APLF: variants seen among roughly 807,000 people sequenced by gnomAD.
APLF encodes the protein aprataxin and PNKP like factor.
A neutral mutation model predicts 55.6 loss-of-function variants in APLF; 61 were observed. The observed-to-expected ratio is 1.10, with a 90% CI of 0.89 to 1.36. The LOEUF (loss-of-function observed/expected upper bound fraction) is 1.36. APLF is among the 40% of genes most tolerant of loss of function. The probability of loss-of-function intolerance (pLI) is 0.00; values close to 1 mark genes in which losing one functional copy is unlikely to be tolerated. For synonymous variants in APLF, 207 were observed against 214.8 expected (o/e 0.96, Z 0.32); for missense variants, 611 against 602.5 (o/e 1.01, Z -0.15).
At chr2:68,490,654 G>C (rs1676329799) in intron 2 of APLF, among the ~76,000 whole-genome samples, 1 of 152,118 alleles carries the variant, frequency 6.6e-6, no homozygotes, top group Non-Finnish European at 1.5e-5. Context: ...ACTCTGTATA[G>C]AGTTGAATAT....
Position 68,507,821 on chromosome 2 carries a change from ATTAT to A in APLF, c.341+4925_341+4928del, listed in dbSNP as rs1362155664. ...AGTATGACATTTTCACTCTAGGGAG[ATTAT>A]TTATTTTCAGACACTTATGAGGAAA... On this transcript the variant is annotated intron_variant, in intron 3 of 9. Coordinates refer to ENST00000303795, the MANE Select transcript of APLF (RefSeq NM_173545.3). Among the ~76,000 whole-genome samples the A allele has an allele frequency of 4.0e-5, 6 of 151,828 alleles. 1 individual carries two copies. In the South Asian group the frequency reaches 6.2e-4, roughly 16 times the overall value.
chr2:68,537,939 C>T lies in APLF; in HGVS notation c.872C>T (p.Ala291Val). The T allele has an allele frequency of 1.2e-6, 2 of 1,613,624 alleles. No homozygotes were observed. Among genetic ancestry groups the T allele is most frequent in the Non-Finnish European group, 1.7e-6 (2 of 1,179,778 alleles). The change falls in exon 7 of 10, where the codon GCA becomes GTA. Residue 291 changes from alanine to valine, a missense_variant. By Grantham distance (64) the Ala-to-Val change is moderately conservative. Coordinates refer to ENST00000303795, the MANE Select transcript of APLF (RefSeq NM_173545.3). ...GAGATGAATAATATTAAGACTAATG[C>T]ACAGAGAAACAAACTTCCAATAGAG... ...NTEMNNIKTNAQRNKLPIEEL... is the reference protein window; with the variant it reads ...NTEMNNIKTNVQRNKLPIEEL...
chr2:68,530,304 C>T (rs1670217342), intron 6 of APLF, among the ~76,000 whole-genome samples: 1 of 152,172 alleles, frequency 6.6e-6, no homozygotes, highest in African/African-American at 2.4e-5. Context: ...ACATGCACAC[C>T]TCGAAGGAGG....
At chr2:68,484,691 GAA>G (rs557801391) in intron 1 of APLF, among the ~76,000 whole-genome samples, 5 of 115,136 alleles carry the variant, frequency 4.3e-5, no homozygotes, top group Non-Finnish European at 5.6e-5. Flanking sequence ...AGCTTAGTCT[GAA>G]AAAAAAAAAA....
At chr2:68,545,096 A>G (rs1347500809) in intron 7 of APLF, 91 bp from the exon 8 acceptor site, 21 of 1,439,672 alleles carry the variant, frequency 1.5e-5, no homozygotes, top group Non-Finnish European at 2.0e-5. Context: ...AAGGATAGCC[A>G]GATGTGGATT....
At chr2:68,511,859 G>A (rs1419139393) in intron 3 of APLF, among the ~76,000 whole-genome samples, 1 of 151,606 alleles carries the variant, frequency 6.6e-6, no homozygotes, top group Non-Finnish European at 1.5e-5. Context: ...ATGCTGCATA[G>A]TAATTTACTC....
intron 1 of APLF, among the ~76,000 whole-genome samples, chr2:68,482,194 C>T (rs1675981207): frequency 6.6e-6 from 1 of 151,108 alleles, no homozygotes; most frequent in Non-Finnish European, 1.5e-5. Flanking sequence ...GATATCTGCT[C>T]ATCTGGTGGA....
intron 5 of APLF, among the ~76,000 whole-genome samples, chr2:68,518,474 TA>T (rs1266212296): frequency 9.5e-5 from 11 of 115,516 alleles, no homozygotes; most frequent in Non-Finnish European, 1.1e-4. Flanking sequence ...AACATATTAA[TA>T]ATACATAATA....
intron 2 of APLF, among the ~76,000 whole-genome samples, chr2:68,494,778 T>C (rs1676488462): frequency 6.6e-6 from 1 of 152,168 alleles, no homozygotes; most frequent in Non-Finnish European, 1.5e-5. Flanking sequence ...CCTGCATTAG[T>C]TTGCTGAGGA....
chr2:68,545,008 A>C (rs1463130274), intron 7 of APLF, among the ~76,000 whole-genome samples, 179 bp from the exon 8 acceptor site: 1 of 152,164 alleles, frequency 6.6e-6, no homozygotes, highest in Admixed American at 6.5e-5. Context: ...AGTTTATGTC[A>C]TCAACTTTAT....
chr2:68,474,858 C>T (rs140419291), intron 1 of APLF, among the ~76,000 whole-genome samples: 1 of 152,048 alleles, frequency 6.6e-6, no homozygotes, highest in Non-Finnish European at 1.5e-5. Flanking sequence ...AATAGAGACA[C>T]GGTTTCTCTA....
At chr2:68,574,688 A>G (rs996931184) in intron 9 of APLF, among the ~76,000 whole-genome samples, 3 of 152,208 alleles carry the variant, frequency 2.0e-5, no homozygotes, top group African/African-American at 7.2e-5. Context: ...TTTTCTGAGT[A>G]AACAAACAAA....
chr2:68,487,469 C>T lies in APLF; in HGVS notation c.97-2721C>T, dbSNP rs1210497545. Among the ~76,000 whole-genome samples the T allele has an allele frequency of 2.0e-5, 3 of 151,956 alleles. No homozygotes were observed. In the East Asian group the frequency reaches 5.8e-4, roughly 29 times the overall value. On this transcript the variant is annotated intron_variant, in intron 1 of 9. Coordinates refer to ENST00000303795, the MANE Select transcript of APLF (RefSeq NM_173545.3). Reference sequence around the variant, plus strand: ...ACTCTCTGTACTTCCATTTTCTCACCTATGAAGTGAAGTATAATAATAGTA... The same window carrying T: ...ACTCTCTGTACTTCCATTTTCTCACTTATGAAGTGAAGTATAATAATAGTA...
chr2:68,487,624 T>G (rs1676226107), intron 1 of APLF, among the ~76,000 whole-genome samples: 1 of 152,184 alleles, frequency 6.6e-6, no homozygotes, highest in South Asian at 2.1e-4. Context: ...GGATATTCAC[T>G]CTGTATAAGG....
intron 3 of APLF, among the ~76,000 whole-genome samples, chr2:68,510,429 T>A (rs1677011256): frequency 6.6e-6 from 1 of 151,740 alleles, no homozygotes; most frequent in South Asian, 2.1e-4. Flanking sequence ...CATGAAAAAA[T>A]GTTCAACATC....
intron 8 of APLF, among the ~76,000 whole-genome samples, chr2:68,558,152 A>G (rs1671065294): frequency 6.6e-6 from 1 of 152,156 alleles, no homozygotes; most frequent in Non-Finnish European, 1.5e-5. Context: ...AATTATATTC[A>G]TGTAGCTTTG....
Position 68,578,071 on chromosome 2 carries a change from G to C in APLF, c.*49G>C. The C allele has an allele frequency of 6.4e-7, 1 of 1,567,418 alleles. No individual in the cohort carries two copies. Reference sequence around the variant, plus strand: ...TGCCTTACATTTACTTTTTCTTTGTGGGAAAACATTTATGAACTAAGGAGG... The same window carrying C: ...TGCCTTACATTTACTTTTTCTTTGTCGGAAAACATTTATGAACTAAGGAGG... On this transcript the variant is annotated 3_prime_UTR_variant, in exon 10 of 10. Coordinates refer to ENST00000303795, the MANE Select transcript of APLF (RefSeq NM_173545.3).
chr2:68,481,844 A>G (rs1379060655), intron 1 of APLF, among the ~76,000 whole-genome samples: 2 of 151,962 alleles, frequency 1.3e-5, no homozygotes, highest in African/African-American at 4.8e-5. Flanking sequence ...ACTTGTCTTT[A>G]AGTTCGGAAA....
chr2:68,501,885 T>C (rs997151658), intron 2 of APLF, among the ~76,000 whole-genome samples: 2 of 152,138 alleles, frequency 1.3e-5, no homozygotes, highest in African/African-American at 4.8e-5. Context: ...TACCTGAGGC[T>C]AGGTAATTTA....
Sources: allele counts gnomAD v4.1 joint callset (sites outside exome capture counted in the v4.1 genomes callset), GRCh38; gene constraint gnomAD v4.1.1; transcripts MANE v1.5; gene names NCBI Gene and HGNC (gene_info 2026-07-23, HGNC 2026-07-21).